COL7A1: variants seen among roughly 807,000 people sequenced by gnomAD.
COL7A1 encodes the protein collagen alpha-1(VII) chain.
A neutral mutation model predicts 456.2 loss-of-function variants in COL7A1; 296 were observed. That is an observed-to-expected ratio of 0.65 (90% CI 0.59 to 0.71). The LOEUF (loss-of-function observed/expected upper bound fraction) is 0.71, where lower values mean the gene tolerates loss of function less well. COL7A1 is among the 30% of genes least tolerant of loss of function. The probability of loss-of-function intolerance (pLI) is 0.00; values close to 1 mark genes in which losing one functional copy is unlikely to be tolerated. For synonymous variants in COL7A1, 1,464 were observed against 1,525.9 expected, an observed-to-expected ratio of 0.96 and a Z score of 0.95; for missense variants, 3,441 against 4,017.2, an observed-to-expected ratio of 0.86 and a Z score of 3.88.
intron 67 of COL7A1, 45 bp downstream of exon 67, chr3:48,576,839 G>C: frequency 6.2e-7 from 1 of 1,613,768 alleles, no homozygotes; most frequent in East Asian, 2.2e-5. Context: ...ATTCCCCCAG[G>C]GTCAGGGTCA....
In COL7A1 at chr3:48,573,256, A is replaced by T; in HGVS notation, c.6652-20T>A. The T allele has an allele frequency of 6.2e-7, 1 of 1,614,062 alleles. No homozygotes were observed. The highest frequency in any genetic ancestry group is 8.5e-7 in the Non-Finnish European group (1 of 1,180,022). ...CAGGCCCTGGAGGAAGAGAAAGTTCAGGGCAGTGCCAACCCCACCCATCTC... is the reference window on the plus strand; with the variant it reads ...CAGGCCCTGGAGGAAGAGAAAGTTCTGGGCAGTGCCAACCCCACCCATCTC... On this transcript the variant is annotated intron_variant, in intron 84 of 118. Coordinates refer to ENST00000681320, the MANE Select transcript of COL7A1 (RefSeq NM_000094.4). The surrounding 1 kb of genome is among the most constrained non-coding windows in gnomAD (Gnocchi z 5.5).
chr3:48,575,482 G>T lies in COL7A1; in HGVS notation c.6037C>A (p.Pro2013Thr). ...GLKGDRGDPG[P>T]QGPPGLALGE... ...AGGGCCAGACCAGGTGGCCCCTGAGGGCCAGGGTCTCCACGGTCGCCCTTC... is the reference window on the plus strand; with the variant it reads ...AGGGCCAGACCAGGTGGCCCCTGAGTGCCAGGGTCTCCACGGTCGCCCTTC... The change falls in exon 74 of 119, where the codon CCT becomes ACT. Residue 2013 changes from proline to threonine, a missense_variant. Physicochemically the swap from Pro to Thr is conservative, Grantham distance 38. Around this residue, in one of 3 missense-constraint regions of COL7A1, gnomAD observed 2,084 missense variants for 2,501.3 expected, o/e 0.83. Transcript: ENST00000681320. The surrounding 1 kb of genome is among the most constrained non-coding windows in gnomAD (Gnocchi z 6.3). 6.2e-7 allele frequency: 1 copy of T among 1,612,188 alleles called. No individual in the cohort carries two copies. Among genetic ancestry groups the T allele is most frequent in the Non-Finnish European group, 8.5e-7 (1 of 1,179,690 alleles).
Position 48,565,000 on chromosome 3 carries a change from T to A in COL7A1, c.8621-20A>T. The stretch of plus-strand genomic sequence containing the variant: ...AGGGGTCTGGGCCAATGGGGTCAAG[T>A]CAGCAGGGTTTGTGGGAATCAGAGA... On this transcript the variant is annotated intron_variant, in intron 117 of 118. Coordinates refer to ENST00000681320, the MANE Select transcript of COL7A1 (RefSeq NM_000094.4). This position sits in a 1 kb window ranked among gnomAD's most constrained non-coding sequence, Gnocchi z 6.0. 1.2e-6 allele frequency: 2 copies of A among 1,613,872 alleles called. No individual in the cohort carries two copies. The highest frequency in any genetic ancestry group is 1.7e-6 in the Non-Finnish European group (2 of 1,179,886).
In COL7A1 at chr3:48,566,707, C is replaced by T; in HGVS notation, c.8257G>A (p.Val2753Met). The change falls in exon 112 of 119, where the codon GTG (valine) becomes ATG (methionine). Residue 2753 changes from valine to methionine, a missense_variant. Transcript: ENST00000681320. The surrounding 1 kb of genome is among the most constrained non-coding windows in gnomAD (Gnocchi z 5.9). The part of the protein sequence containing the change: ...GERGPPGERV[V>M]GAPGVPGAPG... The stretch of plus-strand genomic sequence containing the variant: ...GCTCCAGGGACCCCAGGAGCCCCCA[C>T]CACTCTCTCTCCGGGGGGACCTCGC... 6.2e-7 allele frequency: 1 copy of T among 1,614,068 alleles called. No individual in the cohort carries two copies. The highest frequency in any genetic ancestry group is 2.2e-5 in the East Asian group (1 of 44,876).
chr3:48,585,251 G>T lies in COL7A1; in HGVS notation c.3895-135C>A. On this transcript the variant is annotated intron_variant, in intron 32 of 118. Transcript: ENST00000681320. The surrounding 1 kb of genome is among the most constrained non-coding windows in gnomAD (Gnocchi z 4.5). ...AGTGTTATTGGGGGTGGAACAGTGA[G>T]GCAGAGAAATGGCCCCTCAGAGCTT... 1 of 907,682 alleles carries T rather than the reference G, an allele frequency of 1.1e-6. No homozygotes were observed. Among genetic ancestry groups the T allele is most frequent in the Non-Finnish European group, 1.7e-6 (1 of 589,060 alleles). The allele number at this position is 907,682 out of a possible 1,614,324, so 56.2% of individuals were successfully genotyped here.
chr3:48,572,632 G>A lies in COL7A1; in HGVS notation c.6900+39C>T. On this transcript the variant is annotated intron_variant, in intron 88 of 118. Coordinates refer to ENST00000681320, the MANE Select transcript of COL7A1 (RefSeq NM_000094.4). The surrounding 1 kb of genome is among the most constrained non-coding windows in gnomAD (Gnocchi z 4.6). ...AAACAGGCTTGTGGGTGAGGCAGAG[G>A]AGTTGCTGCAGGGGGTGGAAGTCAG... 6.2e-7 allele frequency: 1 copy of A among 1,604,068 alleles called. No homozygotes were observed. The highest frequency in any genetic ancestry group is 8.5e-7 in the Non-Finnish European group (1 of 1,175,052).
In COL7A1 at chr3:48,568,811, T is replaced by C; in HGVS notation, c.7731A>G (p.Pro2577=). Residue 2577 remains proline, a synonymous_variant, in exon 104 of 119, where the codon CCA becomes CCG. Transcript: ENST00000681320. This position sits in a 1 kb window ranked among gnomAD's most constrained non-coding sequence, Gnocchi z 5.2. ...EPGDKGSAGL[P]GLRGLLGPQG... ...GGGGTCCCAGGAGTCCACGCAGTCCTGGCAACCCGGCTGAGCCCTTGTCAC... is the reference window on the plus strand; with the variant it reads ...GGGGTCCCAGGAGTCCACGCAGTCCCGGCAACCCGGCTGAGCCCTTGTCAC... 1 of 1,575,510 alleles carries C rather than the reference T, an allele frequency of 6.3e-7. No homozygotes were observed. The highest frequency in any genetic ancestry group is 2.3e-5 in the East Asian group (1 of 43,198).
chr3:48,586,029 C>A lies in COL7A1; in HGVS notation c.3723+45G>T. 1.2e-6 allele frequency: 2 copies of A among 1,613,612 alleles called. No homozygotes were observed. The highest frequency in any genetic ancestry group is 2.2e-5 in the East Asian group (1 of 44,884). ...AACATTTCTACCAAGAACCCCCAGA[C>A]CCCTTATATTCTACCACCCAGTCCC... On this transcript the variant is annotated intron_variant, in intron 28 of 118. Transcript: ENST00000681320. This position sits in a 1 kb window ranked among gnomAD's most constrained non-coding sequence, Gnocchi z 5.1.
Position 48,570,858 on chromosome 3 carries a change from C to T in COL7A1, c.7272+3G>A, listed in dbSNP as rs1027755001. 3.1e-6 allele frequency: 5 copies of T among 1,608,584 alleles called. No individual in the cohort carries two copies. Among genetic ancestry groups the T allele is most frequent in the Non-Finnish European group, 4.2e-6 (5 of 1,177,874 alleles). ...CCCCTACATGCTGTTCCCAGCCCCTCACCCGCTCTCCACTAGGGCCTGGCT... is the reference window on the plus strand; with the variant it reads ...CCCCTACATGCTGTTCCCAGCCCCTTACCCGCTCTCCACTAGGGCCTGGCT... On this transcript the variant is annotated splice_donor_region_variant and intron_variant, in intron 95 of 118. Coordinates refer to ENST00000681320, the MANE Select transcript of COL7A1 (RefSeq NM_000094.4). This position sits in a 1 kb window ranked among gnomAD's most constrained non-coding sequence, Gnocchi z 5.5.
chr3:48,565,043 G>C lies in COL7A1; in HGVS notation c.8621-63C>G. On this transcript the variant is annotated intron_variant, in intron 117 of 118. Coordinates refer to ENST00000681320, the MANE Select transcript of COL7A1 (RefSeq NM_000094.4). This position sits in a 1 kb window ranked among gnomAD's most constrained non-coding sequence, Gnocchi z 4.5. The stretch of plus-strand genomic sequence containing the variant: ...ATCAGAGAGGGTTGAAAGGTCAGGG[G>C]GAGGTCAGCAGGGCTCAGCCCTGCC... The C allele has an allele frequency of 6.2e-7, 1 of 1,612,218 alleles. No homozygotes were observed. Among genetic ancestry groups the C allele is most frequent in the Non-Finnish European group, 8.5e-7 (1 of 1,178,776 alleles).
In COL7A1 at chr3:48,576,322, G is replaced by A. The variant is rs776234195; in HGVS notation, c.5773-26C>T. The A allele has an allele frequency of 7.8e-5, 126 of 1,613,942 alleles. 1 individual carries two copies. Among genetic ancestry groups the A allele is most frequent in the Admixed American group, 1.5e-4 (9 of 60,030 alleles). On this transcript the variant is annotated intron_variant, in intron 70 of 118. Transcript: ENST00000681320. ...CTGGAGAGATGAAGACAAACTGCTA[G>A]GAACCAGCCTATGGGTGTGCATGTG...
Position 48,591,777 on chromosome 3 carries a change from C to T in COL7A1, c.1403G>A (p.Arg468His), listed in dbSNP as rs768672251. Reference sequence around the variant, plus strand: ...CGGCTGCAGCCCATCCAACTGGTAGCGGGTCACATCAGAGGGCAGTACCAC... The same window carrying T: ...CGGCTGCAGCCCATCCAACTGGTAGTGGGTCACATCAGAGGGCAGTACCAC... ...QKVVLPSDVT[R>H]YQLDGLQPGT... is the part of the protein sequence containing the mutation. The change falls in exon 12 of 119, where the codon CGC becomes CAC. Residue 468 changes from arginine (R) to histidine (H), a missense_variant. Physicochemically the swap from Arg to His is conservative, Grantham distance 29. Coordinates refer to ENST00000681320, the MANE Select transcript of COL7A1 (RefSeq NM_000094.4). The surrounding 1 kb of genome is among the most constrained non-coding windows in gnomAD (Gnocchi z 7.0). 24 of 1,614,044 alleles carry T rather than the reference C, an allele frequency of 1.5e-5. No individual in the cohort carries two copies. Among genetic ancestry groups the T allele is most frequent in the South Asian group, 1.1e-4 (10 of 91,088 alleles).
Position 48,587,033 on chromosome 3 carries a change from G to A in COL7A1, c.3215C>T (p.Thr1072Met), listed in dbSNP as rs766470933. 17 of 1,606,702 alleles carry A rather than the reference G, an allele frequency of 1.1e-5. No individual in the cohort carries two copies. Among genetic ancestry groups the A allele is most frequent in the South Asian group, 2.2e-5 (2 of 89,616 alleles). The change falls in exon 25 of 119, where the codon ACG (threonine) becomes ATG (methionine). Residue 1072 changes from threonine to methionine, a missense_variant. Physicochemically the swap from Thr to Met is moderately conservative, Grantham distance 81. This residue lies in a region of COL7A1 where 444 missense variants were observed against 427.6 expected (regional missense o/e 1.04). Transcript: ENST00000681320. This position sits in a 1 kb window ranked among gnomAD's most constrained non-coding sequence, Gnocchi z 6.1. ...CACCAGACGCTCCAGGACCCTCCTC[G>A]TAGCCTCCGCACGGTGAGCATTGTC... ...TQDNAHRAEA[T>M]RRVLERLVLA...
At position 48,591,313 on chromosome 3, in the gene COL7A1, C is replaced by T; in HGVS notation, c.1636+151G>A. On this transcript the variant is annotated intron_variant, in intron 13 of 118. Coordinates refer to ENST00000681320, the MANE Select transcript of COL7A1 (RefSeq NM_000094.4). The surrounding 1 kb of genome is among the most constrained non-coding windows in gnomAD (Gnocchi z 7.0). The stretch of plus-strand genomic sequence containing the variant: ...GACACACCCTGTTGACAGTTCAGGG[C>T]TCAGTGCCATCTTGGGAAGCAGATG... 9.0e-7 allele frequency: 1 copy of T among 1,107,786 alleles called. No individual in the cohort carries two copies. The highest frequency in any genetic ancestry group is 1.5e-5 in the South Asian group (1 of 66,320). The allele number at this position is 1,107,786 out of a possible 1,614,324, so 68.6% of individuals were successfully genotyped here. A position where few individuals can be genotyped will look rare whatever the true frequency, so the allele number is the denominator to read the frequency against.
Position 48,564,743 on chromosome 3 carries a change from C to A in COL7A1, c.8818+40G>T. On this transcript the variant is annotated intron_variant, in intron 118 of 118. Coordinates refer to ENST00000681320, the MANE Select transcript of COL7A1 (RefSeq NM_000094.4). This position sits in a 1 kb window ranked among gnomAD's most constrained non-coding sequence, Gnocchi z 6.0. ...TCCCCCAGAACCCGATCCAGGCAGGCTCAGTGCCCAGTTCCCCACGGTGGG... is the reference window on the plus strand; with the variant it reads ...TCCCCCAGAACCCGATCCAGGCAGGATCAGTGCCCAGTTCCCCACGGTGGG... The A allele has an allele frequency of 6.3e-7, 1 of 1,598,892 alleles. No individual in the cohort carries two copies. Among genetic ancestry groups the A allele is most frequent in the Non-Finnish European group, 8.5e-7 (1 of 1,170,692 alleles).
Position 48,567,919 on chromosome 3 carries a change from G to A in COL7A1, c.7876-28C>T. 1 of 1,613,912 alleles carries A rather than the reference G, an allele frequency of 6.2e-7. No homozygotes were observed. The highest frequency in any genetic ancestry group is 2.2e-5 in the East Asian group (1 of 44,872). ...GAGGGAGAAAAGCAGATGAAGAAGT[G>A]ATTCCCAGACACCTCACTCTGTGAC... is the stretch of plus-strand genomic sequence containing the variant. On this transcript the variant is annotated intron_variant, in intron 106 of 118. Coordinates refer to ENST00000681320, the MANE Select transcript of COL7A1 (RefSeq NM_000094.4). The surrounding 1 kb of genome is among the most constrained non-coding windows in gnomAD (Gnocchi z 4.3).
rs766740035 is a variant in COL7A1, at chr3:48,587,467, G to C, written c.2945C>G (p.Ala982Gly). ...CCGCCAGGATAGGATGTAGCTGGAT[G>C]CCCTGGACACTGGAGTCCAGGCCAA... ...VTLAWTPVSR[A>G]SSYILSWRPL... is the part of the protein sequence containing the mutation. The change falls in exon 23 of 119, where the codon GCA becomes GGA. Residue 982 changes from alanine (A) to glycine (G), a missense_variant. Coordinates refer to ENST00000681320, the MANE Select transcript of COL7A1 (RefSeq NM_000094.4). The surrounding 1 kb of genome is among the most constrained non-coding windows in gnomAD (Gnocchi z 6.1). The C allele has an allele frequency of 6.2e-7, 1 of 1,613,310 alleles. No individual in the cohort carries two copies. Among genetic ancestry groups the C allele is most frequent in the Admixed American group, 1.7e-5 (1 of 60,022 alleles).
rs761285107 is a variant in COL7A1 at position 48,579,690 on chromosome 3, T to G, written c.5155-22A>C. 6.2e-7 allele frequency: 1 copy of G among 1,613,724 alleles called. No individual in the cohort carries two copies. Among genetic ancestry groups the G allele is most frequent in the Non-Finnish European group, 8.5e-7 (1 of 1,179,984 alleles). The stretch of plus-strand genomic sequence containing the variant: ...CTCCCTGTGGCAGAGATAAGCTTGC[T>G]GAGGAACAGCCTTGAAGCCAAGCCA... On this transcript the variant is annotated intron_variant, in intron 58 of 118. Transcript: ENST00000681320. This position sits in a 1 kb window ranked among gnomAD's most constrained non-coding sequence, Gnocchi z 4.4.
chr3:48,591,304 A>G lies in COL7A1; in HGVS notation c.1636+160T>C, dbSNP rs2045680568. ...GTAGGGGCAGACACACCCTGTTGAC[A>G]GTTCAGGGCTCAGTGCCATCTTGGG... is the stretch of plus-strand genomic sequence containing the variant. On this transcript the variant is annotated intron_variant, in intron 13 of 118. Transcript: ENST00000681320. The surrounding 1 kb of genome is among the most constrained non-coding windows in gnomAD (Gnocchi z 7.0). Among the ~76,000 whole-genome samples, 1 of 152,094 alleles carries G rather than the reference A, an allele frequency of 6.6e-6. No homozygotes were observed. Among genetic ancestry groups the G allele is most frequent in the African/African-American group, 2.4e-5 (1 of 41,388 alleles).
Sources: gnomAD v4.1 joint callset for allele counts (sites outside exome capture counted in the v4.1 genomes callset) on GRCh38, gnomAD v4.1.1 for gene constraint, gnomAD v4.1.1 regional missense constraint, Gnocchi (gnomAD v3.1) non-coding constraint, MANE v1.5 for transcripts, NCBI Gene and HGNC (gene_info 2026-07-23, HGNC 2026-07-21) for gene names.